NDUFB7: variants seen among roughly 807,000 people sequenced by gnomAD.
The protein encoded by NDUFB7 is NADH dehydrogenase [ubiquinone] 1 beta subcomplex subunit 7.
A neutral mutation model predicts 14.7 loss-of-function variants in NDUFB7; 18 were observed. The ratio of observed to expected loss-of-function variants is 1.22; its 90% confidence interval spans 0.85 to 1.81. The LOEUF (loss-of-function observed/expected upper bound fraction) is 1.81. Ranked by LOEUF, NDUFB7 falls within the 40% of genes most tolerant of loss-of-function variation. The pLI is 0.00. For missense variants in NDUFB7, 219 were observed against 195.0 expected (o/e 1.12, Z -0.73); for synonymous variants, 86 against 76.1 (o/e 1.13, Z -0.68).
At chr19:14,571,405 G>A (rs1161837451) in intron 1 of NDUFB7, among the ~76,000 whole-genome samples, 3 of 152,052 alleles carry the variant, frequency 2.0e-5, no homozygotes, top group Admixed American at 6.6e-5. Context: ...AGAGCAGCCT[G>A]GCCAACAAGG....
chr19:14,569,772 T>A (rs2074114195), intron 1 of NDUFB7, among the ~76,000 whole-genome samples: 1 of 152,174 alleles, frequency 6.6e-6, no homozygotes, highest in African/African-American at 2.4e-5. Flanking sequence ...TGTCGCCCAC[T>A]CAGTAGACAG....
chr19:14,567,999 T>C lies in NDUFB7; in HGVS notation c.113-1066A>G, dbSNP rs577305170. Among the ~76,000 whole-genome samples the C allele has an allele frequency of 4.8e-4, 73 of 152,278 alleles. No individual in the cohort carries two copies. The highest frequency in any genetic ancestry group is 1.7e-3 in the African/African-American group (72 of 41,562). Reference sequence around the variant, plus strand: ...CCTCCCACATCCCTCCTCCCCAGGTTTCCTCCCATCTCTATGGCTGCCTTA... The same window carrying C: ...CCTCCCACATCCCTCCTCCCCAGGTCTCCTCCCATCTCTATGGCTGCCTTA... On this transcript the variant is annotated intron_variant, in intron 1 of 2. Transcript: ENST00000215565. This position sits in a 1 kb window ranked among gnomAD's most constrained non-coding sequence, Gnocchi z 5.1.
At chr19:14,571,704 C>T (rs1302630851) in intron 1 of NDUFB7, among the ~76,000 whole-genome samples, 185 bp downstream of exon 1, 1 of 152,250 alleles carries the variant, frequency 6.6e-6, no homozygotes, top group Non-Finnish European at 1.5e-5. Context: ...AAGCCGTGCC[C>T]TTGGGCTGGA....
chr19:14,566,796 G>C lies in NDUFB7; in HGVS notation c.250C>G (p.Arg84Gly), dbSNP rs200757972. The C allele has an allele frequency of 5.2e-6, 8 of 1,546,312 alleles. No individual in the cohort carries two copies. In the South Asian group the frequency reaches 9.5e-5, roughly 18 times the overall value. Residue 84 changes from arginine to glycine, a missense_variant, in exon 2 of 3, where the codon CGG becomes GGG. By Grantham distance (125) the Arg-to-Gly change is moderately radical. Coordinates refer to ENST00000215565, the MANE Select transcript of NDUFB7 (RefSeq NM_004146.6). The part of the protein sequence containing the change: ...FPNFLACKQE[R>G]HDWDYCEHRD... Reference sequence around the variant, plus strand: ...TGCTCGCAGTAGTCCCAGTCGTGCCGCTCCTGCTTGCAGGCCAGGAAGTTG... The same window carrying C: ...TGCTCGCAGTAGTCCCAGTCGTGCCCCTCCTGCTTGCAGGCCAGGAAGTTG...
At chr19:14,571,697 C>CAAA (rs2074125908) in intron 1 of NDUFB7, among the ~76,000 whole-genome samples, 192 bp downstream of exon 1, 1 of 152,244 alleles carries the variant, frequency 6.6e-6, no homozygotes, top group East Asian at 1.9e-4. Flanking sequence ...TTTGCTCAAG[C>CAAA]CGTGCCCTTG....
intron 1 of NDUFB7, 84 bp downstream of exon 1, chr19:14,571,804 GC>G (rs2074126485): frequency 2.3e-6 from 3 of 1,292,262 alleles, no homozygotes; most frequent in Non-Finnish European, 3.3e-6. Context: ...TTAGAGCCCA[GC>G]CCTGGGGTGC....
At position 14,566,135 on chromosome 19, in the gene NDUFB7, ACAG is replaced by A; in HGVS notation, c.409_411del (p.Leu137del). ...CCATAGGGTGGGGGGTGCACCCCCT[ACAG>A]GGCCACCTTGGGGTCCACTTCCCCG... On this transcript the variant is annotated inframe_deletion, in exon 3 of 3. Coordinates refer to ENST00000215565, the MANE Select transcript of NDUFB7 (RefSeq NM_004146.6). The A allele has an allele frequency of 6.2e-7, 1 of 1,609,780 alleles. No homozygotes were observed. Among genetic ancestry groups the A allele is most frequent in the Non-Finnish European group, 8.5e-7 (1 of 1,178,116 alleles).
chr19:14,566,868 C>G lies in NDUFB7; in HGVS notation c.178G>C (p.Ala60Pro). Residue 60 changes from alanine to proline, a missense_variant, in exon 2 of 3, where the codon GCC (alanine) becomes CCC (proline). Coordinates refer to ENST00000215565, the MANE Select transcript of NDUFB7 (RefSeq NM_004146.6). ...QLRLQLRDYC[A>P]HHLIRLLKCK... ...TTGAGCAGCCGGATGAGGTGGTGGG[C>G]GCAGTAGTCCCGCAGCTGGAGCCTC... The G allele has an allele frequency of 6.4e-7, 1 of 1,573,544 alleles. No homozygotes were observed.
chr19:14,570,594 C>G (rs1416260822), intron 1 of NDUFB7, among the ~76,000 whole-genome samples: 2 of 152,218 alleles, frequency 1.3e-5, no homozygotes, highest in African/African-American at 4.8e-5. Context: ...GCCTTAGCCT[C>G]CCAAAGTGCT....
At chr19:14,571,063 C>T (rs1488411640) in intron 1 of NDUFB7, among the ~76,000 whole-genome samples, 6 of 152,048 alleles carry the variant, frequency 3.9e-5, no homozygotes, top group South Asian at 4.1e-4. Flanking sequence ...GAGGCTGAGG[C>T]GGGAGGATCA....
At chr19:14,571,232 T>C (rs185385878) in intron 1 of NDUFB7, among the ~76,000 whole-genome samples, 116 of 152,276 alleles carry the variant, frequency 7.6e-4, no homozygotes, top group Non-Finnish European at 5.0e-4. Context: ...TACCCCACAA[T>C]TGCAGTGACA....
At chr19:14,571,610 AAAAAGACTCGACCCAGCTC>A (rs1467547216) in intron 1 of NDUFB7, among the ~76,000 whole-genome samples, 1 of 151,976 alleles carries the variant, frequency 6.6e-6, no homozygotes, top group Non-Finnish European at 1.5e-5. Context: ...AAGAAAAAAA[AAAAAGACTCGACCCAGCTC>A]TGCGCGTCGC....
At chr19:14,571,594 T>C (rs1378397458) in intron 1 of NDUFB7, among the ~76,000 whole-genome samples, 1 of 128,158 alleles carries the variant, frequency 7.8e-6, no homozygotes, top group African/African-American at 3.1e-5. Context: ...CGAGACTCCG[T>C]CTCAAAAGAA....
At chr19:14,571,362 G>T (rs963380368) in intron 1 of NDUFB7, among the ~76,000 whole-genome samples, 1 of 152,130 alleles carries the variant, frequency 6.6e-6, no homozygotes, top group African/African-American at 2.4e-5. Flanking sequence ...TGGGGAGGCC[G>T]AGGCGGGCGG....
At chr19:14,570,160 G>C (rs998276708) in intron 1 of NDUFB7, among the ~76,000 whole-genome samples, 1 of 151,922 alleles carries the variant, frequency 6.6e-6, no homozygotes, top group South Asian at 2.1e-4. Context: ...GCCTCCCAAA[G>C]TGCTGGGATT....
Position 14,566,937 on chromosome 19 carries a change from C to CGTTCGGGGA in NDUFB7, c.113-5_113-4insTCCCCGAAC. ...TCCTGCTGTGTGGCCACCATCTCTGCAGGGAGTGGGCGGGGCTCAACCAGG... is the reference window on the plus strand; with the variant it reads ...TCCTGCTGTGTGGCCACCATCTCTGCGTTCGGGGAAGGGAGTGGGCGGGGCTCAACCAGG... On this transcript the variant is annotated splice_polypyrimidine_tract_variant and splice_region_variant and intron_variant, in intron 1 of 2. Transcript: ENST00000215565. 2 of 1,576,922 alleles carry CGTTCGGGGA rather than the reference C, an allele frequency of 1.3e-6. No homozygotes were observed. Among genetic ancestry groups the CGTTCGGGGA allele is most frequent in the Admixed American group, 1.8e-5 (1 of 56,554 alleles).
intron 1 of NDUFB7, among the ~76,000 whole-genome samples, chr19:14,570,357 G>A (rs910971525): frequency 5.3e-5 from 8 of 151,820 alleles, no homozygotes; most frequent in African/African-American, 1.5e-4. Flanking sequence ...GCACCACCAC[G>A]CCCCTGGCTA....
rs764883989 is a variant in NDUFB7, at chr19:14,571,923, C to A, written c.78G>T (p.Pro26=). Residue 26 remains proline, a synonymous_variant, in exon 1 of 3, where the codon CCG becomes CCT. Transcript: ENST00000215565. ...EPDPLQMPTF[P]PDYGFPERKE... The stretch of plus-strand genomic sequence containing the variant: ...TGCGTTCGGGGAAGCCGTAGTCTGG[C>A]GGGAAGGTTGGCATCTGCAGGGGGT... 1.9e-6 allele frequency: 3 copies of A among 1,612,036 alleles called. No individual in the cohort carries two copies. Among genetic ancestry groups the A allele is most frequent in the South Asian group, 1.1e-5 (1 of 90,762 alleles).
intron 1 of NDUFB7, among the ~76,000 whole-genome samples, chr19:14,571,293 G>A (rs2074123710): frequency 1.3e-5 from 2 of 151,940 alleles, no homozygotes; most frequent in Non-Finnish European, 2.9e-5. Flanking sequence ...GACTCCCCAC[G>A]TCCCCCAAGA....
Sources: gnomAD v4.1 joint callset for allele counts (sites outside exome capture counted in the v4.1 genomes callset) on GRCh38, gnomAD v4.1.1 for gene constraint, Gnocchi (gnomAD v3.1) non-coding constraint, MANE v1.5 for transcripts, NCBI Gene and HGNC (gene_info 2026-07-23, HGNC 2026-07-21) for gene names.